Variants in ARFGAP3 observed in about 807,000 individuals in gnomAD.
ARFGAP3 encodes the protein ARF GTPase activating protein 3.
Under a neutral mutation model 75.0 loss-of-function variants are expected in ARFGAP3, and 72 were observed. The observed-to-expected ratio is 0.96, with a 90% CI of 0.79 to 1.17. The LOEUF (loss-of-function observed/expected upper bound fraction) is 1.17, where lower values mean the gene tolerates loss of function less well. Ranked by LOEUF, ARFGAP3 falls within the 50% of genes most tolerant of loss-of-function variation. The pLI is 0.00. For missense variants in ARFGAP3, 620 were observed against 626.6 expected, an observed-to-expected ratio of 0.99 and a Z score of 0.11; for synonymous variants, 221 against 217.9, an observed-to-expected ratio of 1.01 and a Z score of -0.13.
chr22:42,803,334 T>C (rs1334543396), intron 14 of ARFGAP3, among the ~76,000 whole-genome samples: 1 of 152,128 alleles, frequency 6.6e-6, no homozygotes, highest in Non-Finnish European at 1.5e-5. Flanking sequence ...GTCACACTCC[T>C]AGACCCTGGG....
chr22:42,825,821 G>A (rs1224006321), intron 7 of ARFGAP3, among the ~76,000 whole-genome samples: 1 of 151,704 alleles, frequency 6.6e-6, no homozygotes, highest in African/African-American at 2.4e-5. Flanking sequence ...GTTATATATT[G>A]TCTTTAGAAT....
In ARFGAP3 at chr22:42,823,700, C is replaced by A; in HGVS notation, c.628G>T (p.Val210Leu). The change falls in exon 8 of 16, where the codon GTA becomes TTA. Residue 210 changes from valine (V) to leucine (L), a missense_variant and splice_region_variant. By Grantham distance (32) the Val-to-Leu change is conservative. Transcript: ENST00000263245. ...GGTTTCTTTTTTATGATAGAGGATA[C>A]CTCTGCCAAAAAATAAAAATTAAAA... ...LNVPTKATLE[V>L]SSIIKKKPNQ... 6.4e-7 allele frequency: 1 copy of A among 1,565,122 alleles called. No homozygotes were observed. Among genetic ancestry groups the A allele is most frequent in the Non-Finnish European group, 8.7e-7 (1 of 1,154,348 alleles).
intron 8 of ARFGAP3, among the ~76,000 whole-genome samples, chr22:42,823,121 T>A (rs139073158): frequency 2.6e-5 from 4 of 152,078 alleles, no homozygotes; most frequent in African/African-American, 9.7e-5. Flanking sequence ...ATTGTTTTTT[T>A]TTCCCCCCCA....
At chr22:42,843,803 G>A (rs988794052) in intron 2 of ARFGAP3, among the ~76,000 whole-genome samples, 1 of 152,164 alleles carries the variant, frequency 6.6e-6, no homozygotes, top group Non-Finnish European at 1.5e-5. Context: ...AGCTAGAGGG[G>A]AGGAGCAGCC....
In ARFGAP3 at chr22:42,829,533, T is replaced by TA. The variant is rs564066164; in HGVS notation, c.565+2015dup. Among the ~76,000 whole-genome samples the TA allele has an allele frequency of 1.8e-3, 234 of 130,472 alleles. 1 individual carries two copies. Among genetic ancestry groups the TA allele is most frequent in the African/African-American group, 6.4e-3 (224 of 35,222 alleles). 85.6% of individuals were successfully genotyped at this position (130,472 alleles called of 152,430 possible). A position where few individuals can be genotyped will look rare whatever the true frequency, so the allele number is the denominator to read the frequency against. ...TTGCAGGCATCTACGGTCATATGCCTAAAAAAAGAATGTGGAAAAAAAAAA... is the reference window on the plus strand; with the variant it reads ...TTGCAGGCATCTACGGTCATATGCCTAAAAAAAAGAATGTGGAAAAAAAAAA... On this transcript the variant is annotated intron_variant, in intron 6 of 15. Coordinates refer to ENST00000263245, the MANE Select transcript of ARFGAP3 (RefSeq NM_014570.5).
chr22:42,829,147 C>G (rs1419225680), intron 6 of ARFGAP3, among the ~76,000 whole-genome samples: 1 of 152,160 alleles, frequency 6.6e-6, no homozygotes, highest in Non-Finnish European at 1.5e-5. Flanking sequence ...ATCAATGGCT[C>G]AGGTAGATTT....
rs745717241 is a variant in ARFGAP3, at chr22:42,826,904, A to T, written c.625+36T>A. 11 of 1,591,176 alleles carry T rather than the reference A, an allele frequency of 6.9e-6. No individual in the cohort carries two copies. In the African/African-American group the frequency reaches 1.3e-4, roughly 20 times the overall value. ...TTATTTTTTTCTTAATGAGTCATAC[A>T]CTTTAAATCAGAATGTAGGATTTTA... On this transcript the variant is annotated intron_variant, in intron 7 of 15. Coordinates refer to ENST00000263245, the MANE Select transcript of ARFGAP3 (RefSeq NM_014570.5).
chr22:42,838,838 C>T (rs974075048), intron 3 of ARFGAP3, among the ~76,000 whole-genome samples: 11 of 151,960 alleles, frequency 7.2e-5, no homozygotes, highest in South Asian at 6.2e-4. Context: ...AGGCCGGGCG[C>T]GGTGGCTCAT....
intron 1 of ARFGAP3, among the ~76,000 whole-genome samples, chr22:42,849,536 C>A (rs376222836): frequency 6.8e-6 from 1 of 147,564 alleles, no homozygotes; most frequent in African/African-American, 2.5e-5. Context: ...TGCAGTGGCA[C>A]GGTCCTAGCT....
At chr22:42,836,553 A>G (rs1449770150) in intron 3 of ARFGAP3, among the ~76,000 whole-genome samples, 1 of 152,228 alleles carries the variant, frequency 6.6e-6, no homozygotes, top group Non-Finnish European at 1.5e-5. Context: ...ATACTACAAT[A>G]TAGGTAAGAT....
intron 6 of ARFGAP3, among the ~76,000 whole-genome samples, chr22:42,827,268 G>T (rs912627171): frequency 1.3e-5 from 2 of 152,174 alleles, no homozygotes; most frequent in African/African-American, 2.4e-5. Flanking sequence ...TCTACCTTAT[G>T]ATCTGGTGAT....
intron 14 of ARFGAP3, among the ~76,000 whole-genome samples, chr22:42,801,636 G>A (rs140991408): frequency 0.01 from 1,527 of 152,114 alleles, 15 homozygotes; most frequent in Non-Finnish European, 0.016. Flanking sequence ...GGGGAGGCGT[G>A]TTCCAGCCTA....
Position 42,817,861 on chromosome 22 carries a change from C to T in ARFGAP3, c.813-4G>A. 3 of 1,587,782 alleles carry T rather than the reference C, an allele frequency of 1.9e-6. No homozygotes were observed. The highest frequency in any genetic ancestry group is 2.3e-5 in the East Asian group (1 of 43,754). On this transcript the variant is annotated splice_polypyrimidine_tract_variant and splice_region_variant and intron_variant, in intron 9 of 15. Transcript: ENST00000263245. Reference sequence around the variant, plus strand: ...GGCTAATCGTAATGATGAAACACTGCCAGAAAAACCAAATACTCCTTAATT... The same window carrying T: ...GGCTAATCGTAATGATGAAACACTGTCAGAAAAACCAAATACTCCTTAATT...
intron 14 of ARFGAP3, among the ~76,000 whole-genome samples, chr22:42,806,671 AGAG>A (rs1447297843): frequency 3.3e-5 from 5 of 152,244 alleles, no homozygotes; most frequent in African/African-American, 7.2e-5. Flanking sequence ...CCCCCGTTAC[AGAG>A]GAGGAGACTG....
intron 6 of ARFGAP3, among the ~76,000 whole-genome samples, chr22:42,829,461 A>C (rs1461475010): frequency 6.6e-6 from 1 of 152,228 alleles, no homozygotes; most frequent in Non-Finnish European, 1.5e-5. Flanking sequence ...TGTAAGGCTA[A>C]GAAATCAAAA....
At chr22:42,832,295 C>A (rs543644745) in intron 5 of ARFGAP3, among the ~76,000 whole-genome samples, 6 of 151,606 alleles carry the variant, frequency 4.0e-5, no homozygotes, top group African/African-American at 9.7e-5. Context: ...TGGGAGGCTG[C>A]GGCAGGCAGA....
At chr22:42,841,045 AATATTTT>A in intron 2 of ARFGAP3, 29 bp from the exon 3 acceptor site, 1 of 1,604,576 alleles carries the variant, frequency 6.2e-7, no homozygotes, top group Non-Finnish European at 8.5e-7. Context: ...ACTAACTGTT[AATATTTT>A]TTATCCCCAG....
intron 3 of ARFGAP3, among the ~76,000 whole-genome samples, chr22:42,836,405 C>G (rs1926523788): frequency 6.6e-6 from 1 of 152,108 alleles, no homozygotes; most frequent in Admixed American, 6.6e-5. Flanking sequence ...TCCCAAAGTG[C>G]TGGGATTAGA....
chr22:42,824,953 T>C (rs1351464219), intron 7 of ARFGAP3, among the ~76,000 whole-genome samples: 1 of 152,254 alleles, frequency 6.6e-6, no homozygotes, highest in South Asian at 2.1e-4. Flanking sequence ...TTTGGTTTTG[T>C]TTCTGCATTA....
Sources: allele counts gnomAD v4.1 joint callset (sites outside exome capture counted in the v4.1 genomes callset), GRCh38; gene constraint gnomAD v4.1.1; transcripts MANE v1.5; gene names NCBI Gene and HGNC (gene_info 2026-07-23, HGNC 2026-07-21).